Variants in NUP88 observed in about 807,000 individuals in gnomAD.
NUP88 encodes the protein nucleoporin 88.
A neutral mutation model predicts 93.9 loss-of-function variants in NUP88; 57 were observed. The observed-to-expected ratio is 0.61, with a 90% confidence interval of 0.49 to 0.76. NUP88 has a LOEUF of 0.76. Ranked by LOEUF, NUP88 falls within the 30% of genes least tolerant of loss-of-function variation. The pLI is 0.00. For missense variants in NUP88, 911 were observed against 901.0 expected (o/e 1.01, Z -0.14); for synonymous variants, 346 against 336.8 (o/e 1.03, Z -0.30).
Position 5,387,120 on chromosome 17 carries a change from A to G in NUP88, c.1917-10T>C. 1.2e-6 allele frequency: 2 copies of G among 1,612,352 alleles called. No individual in the cohort carries two copies. Among genetic ancestry groups the G allele is most frequent in the Non-Finnish European group, 1.7e-6 (2 of 1,179,482 alleles). ...AAGTAGTTTTTTCATCCTTTAGAAAAGGCAAGCAAACATCTCAATTTAAGG... is the reference window on the plus strand; with the variant it reads ...AAGTAGTTTTTTCATCCTTTAGAAAGGGCAAGCAAACATCTCAATTTAAGG... On this transcript the variant is annotated splice_polypyrimidine_tract_variant and intron_variant, in intron 14 of 16. Transcript: ENST00000573584.
At chr17:5,388,012 T>G (rs776242845) in intron 11 of NUP88, 108 bp from the exon 12 acceptor site, 58 of 1,166,974 alleles carry the variant, frequency 5.0e-5, no homozygotes, top group Non-Finnish European at 6.4e-5. Context: ...TTTTAATTTA[T>G]TTATTTGAGA....
intron 5 of NUP88, 57 bp downstream of exon 5, chr17:5,408,676 T>C: frequency 1.5e-6 from 2 of 1,319,920 alleles, no homozygotes; most frequent in Non-Finnish European, 2.1e-6. Flanking sequence ...GCCTCAATGA[T>C]ATCTACTGGA....
chr17:5,400,139 T>TAAAAAAAAAAAAAAAAAAAA (rs199804588), intron 7 of NUP88, among the ~76,000 whole-genome samples: 4 of 111,648 alleles, frequency 3.6e-5, no homozygotes, highest in Admixed American at 9.3e-5. Context: ...CTTTCATTTG[T>TAAAAAAAAAAAAAAAAAAAA]TAAAAAAAAA....
At chr17:5,399,871 G>C (rs1410795150) in intron 7 of NUP88, among the ~76,000 whole-genome samples, 1 of 152,026 alleles carries the variant, frequency 6.6e-6, no homozygotes, top group African/African-American at 2.4e-5. Flanking sequence ...CTGTGGGTTT[G>C]GTTCCAGACC....
At chr17:5,388,140 A>T in intron 11 of NUP88, 1 of 310,822 alleles carries the variant, frequency 3.2e-6, no homozygotes, top group East Asian at 6.5e-5. Context: ...AGCTGGGATT[A>T]CAGGTGCCCA....
At position 5,387,400 on chromosome 17, in the gene NUP88, C is replaced by T. The variant is rs1287995618; in HGVS notation, c.1902G>A (p.Glu634=). ...AGCCCACTGACCTGTTCATGATATC[C>T]TCTTGTTTTTCTTTAGCTTCCTCAT... ...DKYEEAKEKQ[E]DIMNRMKKLL... Residue 634 remains glutamate (E), a synonymous_variant, in exon 14 of 17, where the codon GAG becomes GAA. Transcript: ENST00000573584. 2 of 1,613,860 alleles carry T rather than the reference C, an allele frequency of 1.2e-6. No homozygotes were observed. Among genetic ancestry groups the T allele is most frequent in the Non-Finnish European group, 1.7e-6 (2 of 1,179,830 alleles).
chr17:5,398,594 CTT>C (rs892477455), intron 8 of NUP88, among the ~76,000 whole-genome samples: 4 of 125,890 alleles, frequency 3.2e-5, no homozygotes, highest in East Asian at 2.4e-4. Context: ...CCTGGCCTAA[CTT>C]TTTTTTTTTT....
At chr17:5,415,536 A>G (rs997220868) in intron 2 of NUP88, among the ~76,000 whole-genome samples, 3 of 152,214 alleles carry the variant, frequency 2.0e-5, no homozygotes, top group Admixed American at 2.0e-4. Context: ...GACTCAACTT[A>G]TAAGTTGCGG....
At chr17:5,394,044 A>T (rs1365937749) in intron 9 of NUP88, among the ~76,000 whole-genome samples, 1 of 152,148 alleles carries the variant, frequency 6.6e-6, no homozygotes, top group Non-Finnish European at 1.5e-5. Context: ...ACAGAAGATG[A>T]GTTAAGGGGA....
intron 2 of NUP88, among the ~76,000 whole-genome samples, chr17:5,415,478 C>T (rs1914082545): frequency 6.6e-6 from 1 of 152,138 alleles, no homozygotes; most frequent in African/African-American, 2.4e-5. Context: ...ATTATCAATC[C>T]TATTTTTAAA....
chr17:5,411,789 T>C (rs1276051551), intron 3 of NUP88, among the ~76,000 whole-genome samples: 2 of 152,316 alleles, frequency 1.3e-5, no homozygotes, highest in African/African-American at 4.8e-5. Context: ...TAATCACTTA[T>C]TTTGTCTGAC....
chr17:5,417,287 TTC>T (rs1914207074), intron 1 of NUP88, among the ~76,000 whole-genome samples: 1 of 152,116 alleles, frequency 6.6e-6, no homozygotes, highest in African/African-American at 2.4e-5. Context: ...ACTCCAGCAT[TTC>T]TGTATGCTGG....
intron 1 of NUP88, chr17:5,418,063 G>A (rs1914287899): frequency 6.7e-6 from 1 of 149,674 alleles, no homozygotes; most frequent in African/African-American, 2.5e-5. Flanking sequence ...AGAATCGCTT[G>A]AAACTGGAAG....
At position 5,386,139 on chromosome 17, in the gene NUP88, T is replaced by G. The variant is rs1481953015; in HGVS notation, c.*67A>C. 6 of 1,163,986 alleles carry G rather than the reference T, an allele frequency of 5.2e-6. No homozygotes were observed. The highest frequency in any genetic ancestry group is 2.3e-5 in the Admixed American group (1 of 43,810). 72.1% of individuals were successfully genotyped at this position (1,163,986 alleles called of 1,614,324 possible). ...TTTTTATAAATTAGATAATTCTACC[T>G]GTTTTACAATATGGGTTTAAGCCTT... On this transcript the variant is annotated 3_prime_UTR_variant, in exon 17 of 17. Transcript: ENST00000573584.
At chr17:5,393,355 C>T (rs1356620999) in intron 9 of NUP88, among the ~76,000 whole-genome samples, 1 of 151,716 alleles carries the variant, frequency 6.6e-6, no homozygotes, top group African/African-American at 2.4e-5. Flanking sequence ...CCTCACCTGA[C>T]AAAGTGCTGG....
In NUP88 at chr17:5,419,630, C is replaced by A; in HGVS notation, c.21G>T (p.Pro7=). The change falls in exon 1 of 17, where the codon CCG becomes CCT. Residue 7 remains proline (P), a synonymous_variant. Coordinates refer to ENST00000573584, the MANE Select transcript of NUP88 (RefSeq NM_002532.6). MAAAEG[P]VGDGELWQTW... is the part of the protein sequence containing the mutation. ...TCTGCCACAGCTCGCCGTCGCCCAC[C>A]GGTCCCTCGGCGGCCGCCATCTTGG... The A allele has an allele frequency of 6.3e-7, 1 of 1,592,750 alleles. No homozygotes were observed. Among genetic ancestry groups the A allele is most frequent in the South Asian group, 1.1e-5 (1 of 90,706 alleles).
Position 5,419,493 on chromosome 17 carries a change from G to T in NUP88, c.158C>A (p.Pro53Gln). ...ASSSLPSSPP[P>Q]QLLTRNVVFG... Reference sequence around the variant, plus strand: ...GACCACGTTTCTCGTCAGCAACTGCGGCGGCGGCGACGAAGGCAACGACGA... The same window carrying T: ...GACCACGTTTCTCGTCAGCAACTGCTGCGGCGGCGACGAAGGCAACGACGA... The change falls in exon 1 of 17, where the codon CCG becomes CAG. Residue 53 changes from proline (P) to glutamine (Q), a missense_variant. Physicochemically the swap from Pro to Gln is moderately conservative, Grantham distance 76. Transcript: ENST00000573584. 6.2e-7 allele frequency: 1 copy of T among 1,613,706 alleles called. No homozygotes were observed. The highest frequency in any genetic ancestry group is 8.5e-7 in the Non-Finnish European group (1 of 1,179,840).
In NUP88 at chr17:5,387,858, G is replaced by C. The variant is rs199892742; in HGVS notation, c.1690C>G (p.Leu564Val). The change falls in exon 12 of 17, where the codon CTC becomes GTC. Residue 564 changes from leucine (L) to valine (V), a missense_variant. By Grantham distance (32) the Leu-to-Val change is conservative. Transcript: ENST00000573584. ...AACACCTGGGTGGCTCTGCTGAGGA[G>C]CTGAAGGCATTCTTCAGGAGGAGGG... Reference protein sequence around the residue: ...IAPPPEECLQLLSRATQVFRE... With the variant: ...IAPPPEECLQVLSRATQVFRE... 4 of 1,613,910 alleles carry C rather than the reference G, an allele frequency of 2.5e-6. No individual in the cohort carries two copies. The highest frequency in any genetic ancestry group is 2.2e-5 in the South Asian group (2 of 91,054).
chr17:5,386,243 T>G lies in NUP88; in HGVS notation c.2189A>C (p.Lys730Thr), dbSNP rs1911960263. The G allele has an allele frequency of 6.2e-7, 1 of 1,613,282 alleles. No individual in the cohort carries two copies. The change falls in exon 17 of 17, where the codon AAG becomes ACG. Residue 730 changes from lysine (K) to threonine (T), a missense_variant. Transcript: ENST00000573584. ...EEGEHIREMV[K>T]QINDIRNHVN... ...ATGATTGCGGATATCATTGATTTGCTTCACCATTTCCCTTATATGTTCACC... is the reference window on the plus strand; with the variant it reads ...ATGATTGCGGATATCATTGATTTGCGTCACCATTTCCCTTATATGTTCACC...
Sources: gnomAD v4.1 joint callset for allele counts (sites outside exome capture counted in the v4.1 genomes callset) on GRCh38, gnomAD v4.1.1 for gene constraint, MANE v1.5 for transcripts, NCBI Gene and HGNC (gene_info 2026-07-23, HGNC 2026-07-21) for gene names.